The following CACNA1C variants were observed in gnomAD, a reference collection of about 807,000 sequenced individuals.
CACNA1C encodes calcium voltage-gated channel subunit alpha1 C.
Under a neutral mutation model 229.0 loss-of-function variants are expected in CACNA1C, and 30 were observed. That is an observed-to-expected ratio of 0.13 (90% CI 0.10 to 0.18). The LOEUF is 0.18. CACNA1C is among the 10% of genes least tolerant of loss of function. The pLI is 1.00. For synonymous variants in CACNA1C, 1,114 were observed against 1,132.5 expected (o/e 0.98, Z 0.33); for missense variants, 1,658 against 2,845.0 (o/e 0.58, Z 9.49).
intron 4 of CACNA1C, among the ~76,000 whole-genome samples, chr12:2,450,522 C>G (rs1039883333): frequency 7.8e-6 from 1 of 128,294 alleles, no homozygotes; most frequent in Non-Finnish European, 1.6e-5. Context: ...CCACTGCACT[C>G]CAGCCTGGGC....
At chr12:2,438,254 ATGGTGATGGTGG>A (rs1348924553) in intron 3 of CACNA1C, among the ~76,000 whole-genome samples, 42 of 116,040 alleles carry the variant, frequency 3.6e-4, no homozygotes, top group African/African-American at 1.4e-3. Context: ...GATGATAATG[ATGGTGATGGTGG>A]TGGTGGTAAT....
chr12:2,599,134 C>T (rs1382086842), intron 21 of CACNA1C, among the ~76,000 whole-genome samples: 2 of 152,202 alleles, frequency 1.3e-5, no homozygotes, highest in African/African-American at 4.8e-5. Flanking sequence ...ATTTCTCCTT[C>T]GGGATTGCCA....
chr12:2,063,794 G>T (rs1252897588), intron 1 of CACNA1C, among the ~76,000 whole-genome samples: 1 of 152,192 alleles, frequency 6.6e-6, no homozygotes, highest in Non-Finnish European at 1.5e-5. Flanking sequence ...TTCTTCTGTT[G>T]ATGGACACTT....
chr12:2,124,438 C>G (rs113991917), intron 3 of CACNA1C, among the ~76,000 whole-genome samples: 7 of 152,140 alleles, frequency 4.6e-5, no homozygotes, highest in African/African-American at 1.7e-4. Flanking sequence ...TCTTTAGGAC[C>G]AGAGGAAGGG....
intron 34 of CACNA1C, among the ~76,000 whole-genome samples, chr12:2,656,780 A>T (rs551557242): frequency 6.6e-6 from 1 of 152,354 alleles, no homozygotes; most frequent in East Asian, 1.9e-4. Context: ...AAACCCACTC[A>T]TTTACAGCCA....
Position 2,591,911 on chromosome 12 carries a change from CT to C in CACNA1C, c.2531-1301del, listed in dbSNP as rs1249689229. Among the ~76,000 whole-genome samples, 3 of 152,256 alleles carry C rather than the reference CT, an allele frequency of 2.0e-5. 1 individual carries two copies. Among genetic ancestry groups the C allele is most frequent in the Non-Finnish European group, 2.9e-5 (2 of 68,048 alleles). On this transcript the variant is annotated intron_variant, in intron 18 of 46. Transcript: ENST00000399655. ...AGATGCATCCCTCCAATCTCTGCCT[CT>C]GTCTTCACATGGCCTTCTTCCCTAA...
At chr12:2,613,830 C>T (rs907796263) in intron 29 of CACNA1C, 2 of 152,600 alleles carry the variant, frequency 1.3e-5, no homozygotes, top group Non-Finnish European at 2.9e-5. Context: ...GGAGTGCAGT[C>T]ACTGCCTAGC....
chr12:2,459,789 T>C (rs911028660), intron 5 of CACNA1C, among the ~76,000 whole-genome samples: 2 of 152,144 alleles, frequency 1.3e-5, no homozygotes, highest in Admixed American at 1.3e-4. Context: ...AACTGGGAGT[T>C]AATTCCAGAT....
In CACNA1C at chr12:2,691,094, G is replaced by A; in HGVS notation, c.6312G>A (p.Gly2104=). The A allele has an allele frequency of 6.2e-7, 1 of 1,612,298 alleles. No individual in the cohort carries two copies. The highest frequency in any genetic ancestry group is 8.5e-7 in the Non-Finnish European group (1 of 1,179,208). The change falls in exon 47 of 47, where the codon GGG becomes GGA. Residue 2104 remains glycine, a synonymous_variant. Transcript: ENST00000399655. ...LLPFVNCRDA[G]QDRAGGEEDA... ...CCTTTGTGAACTGCAGGGACGCGGGGCAGGACCGAGCCGGGGGCGAAGAGG... is the reference window on the plus strand; with the variant it reads ...CCTTTGTGAACTGCAGGGACGCGGGACAGGACCGAGCCGGGGGCGAAGAGG...
chr12:2,552,148 C>T (rs2041626498), intron 10 of CACNA1C, among the ~76,000 whole-genome samples: 2 of 152,148 alleles, frequency 1.3e-5, no homozygotes, highest in African/African-American at 4.8e-5. Context: ...CTGGAAGCCG[C>T]GGGAGGAGGA....
rs1026349538 is a variant in CACNA1C, at chr12:2,061,127, TC to T, written c.49+7519del. ...CTCTGAGAGTTCAGAAGGAATCAAA[TC>T]CCTTTTTTTTTTTTTGTCTGTAAAG... On this transcript the variant is annotated intron_variant, in intron 1 of 46. Transcript: ENST00000399655. Among the ~76,000 whole-genome samples the T allele has an allele frequency of 1.5e-4, 18 of 121,772 alleles. No homozygotes were observed. In the Middle Eastern group the frequency reaches 0.017, roughly 115 times the overall value. 79.9% of individuals were successfully genotyped at this position (121,772 alleles called of 152,430 possible).
intron 3 of CACNA1C, among the ~76,000 whole-genome samples, chr12:2,329,229 G>A (rs535359233): frequency 8.5e-5 from 13 of 152,270 alleles, no homozygotes; most frequent in African/African-American, 2.6e-4. Context: ...CCAGTATCAT[G>A]TTCTTTTCCT....
At chr12:2,367,349 C>T (rs761925710) in intron 3 of CACNA1C, among the ~76,000 whole-genome samples, 9 of 152,170 alleles carry the variant, frequency 5.9e-5, no homozygotes, top group South Asian at 2.1e-4. Flanking sequence ...GGTCATGGAC[C>T]GGTACCGGTC....
At chr12:2,688,403 G>A (rs368510020) in intron 45 of CACNA1C, 44 bp from the exon 46 acceptor site, 22 of 1,582,744 alleles carry the variant, frequency 1.4e-5, no homozygotes, top group Non-Finnish European at 1.7e-5. Flanking sequence ...GCCTTGTTTG[G>A]GGTCGGCCAC....
At chr12:2,170,930 T>C (rs1430515776) in intron 3 of CACNA1C, among the ~76,000 whole-genome samples, 1 of 152,202 alleles carries the variant, frequency 6.6e-6, no homozygotes, top group Non-Finnish European at 1.5e-5. Flanking sequence ...GGGTATGTGT[T>C]GCCCTTGGAG....
chr12:1,973,792 T>A (rs2033340136), intron 1 of CACNA1C, among the ~76,000 whole-genome samples: 1 of 152,212 alleles, frequency 6.6e-6, no homozygotes, highest in Non-Finnish European at 1.5e-5. Flanking sequence ...AACAACTTAT[T>A]CTGCTTTGTT....
intron 1 of CACNA1C, among the ~76,000 whole-genome samples, chr12:2,086,126 T>G (rs2067553230): frequency 6.8e-6 from 1 of 147,362 alleles, no homozygotes. Context: ...CATGGTAGAC[T>G]GTTTGTCTGC....
At chr12:2,101,888 A>G (rs2076548973) in intron 1 of CACNA1C, among the ~76,000 whole-genome samples, 1 of 152,142 alleles carries the variant, frequency 6.6e-6, no homozygotes, top group Non-Finnish European at 1.5e-5. Flanking sequence ...CCCTCCTACC[A>G]ATAAACTGGG....
chr12:2,610,258 G>C (rs2077071610), intron 27 of CACNA1C, among the ~76,000 whole-genome samples: 1 of 152,206 alleles, frequency 6.6e-6, no homozygotes, highest in Admixed American at 6.5e-5. Flanking sequence ...GGCATCACCA[G>C]GGTGAGGAAA....
Sources: gnomAD v4.1 joint callset for allele counts (sites outside exome capture counted in the v4.1 genomes callset) on GRCh38, gnomAD v4.1.1 for gene constraint, MANE v1.5 for transcripts, NCBI Gene and HGNC (gene_info 2026-07-23, HGNC 2026-07-21) for gene names.